The following NRXN3 variants were observed in gnomAD, a reference collection of about 807,000 sequenced individuals.
The protein encoded by NRXN3 is neurexin 3, also known as neurexin III.
A neutral mutation model predicts 137.6 loss-of-function variants in NRXN3; 32 were observed. That is an observed-to-expected ratio of 0.23 (90% CI 0.18 to 0.31). The LOEUF (loss-of-function observed/expected upper bound fraction) is 0.31, where lower values mean the gene tolerates loss of function less well. Among genes scored for constraint, NRXN3 ranks in the 10% least tolerant of loss-of-function variants. The pLI is 1.00. For missense variants in NRXN3, 1,574 were observed against 2,062.5 expected (o/e 0.76, Z 4.59); for synonymous variants, 798 against 784.5 (o/e 1.02, Z -0.29).
intron 6 of NRXN3, among the ~76,000 whole-genome samples, chr14:78,677,770 G>A (rs78020295): frequency 0.019 from 2,867 of 152,196 alleles, 75 homozygotes; most frequent in African/African-American, 0.066. Flanking sequence ...GGCAAACTTC[G>A]TTGTTGTTTT....
intron 10 of NRXN3, among the ~76,000 whole-genome samples, chr14:78,906,536 A>G (rs1350379715): frequency 6.6e-6 from 1 of 151,974 alleles, no homozygotes; most frequent in African/African-American, 2.4e-5. Flanking sequence ...TGTGGCACTT[A>G]TTTCACTCCC....
intron 16 of NRXN3, among the ~76,000 whole-genome samples, chr14:79,500,175 T>C (rs557620094): frequency 6.9e-6 from 1 of 144,554 alleles, no homozygotes; most frequent in Non-Finnish European, 1.5e-5. Flanking sequence ...GATGAATTTC[T>C]CATATGGGCA....
At position 78,957,281 on chromosome 14, in the gene NRXN3, A is replaced by G. The variant is rs79780393; in HGVS notation, c.2315A>G (p.Asn772Ser). 25 of 1,614,026 alleles carry G rather than the reference A, an allele frequency of 1.5e-5. No homozygotes were observed. Among genetic ancestry groups the G allele is most frequent in the Non-Finnish European group, 1.9e-5 (23 of 1,180,014 alleles). Residue 772 changes from asparagine (N) to serine (S), a missense_variant, in exon 11 of 21, where the codon AAT (asparagine) becomes AGT (serine). Asn to Ser is a conservative substitution (Grantham distance 46). Around this residue, in one of 5 missense-constraint regions of NRXN3, gnomAD observed 718 missense variants for 887.6 expected, o/e 0.81. Transcript: ENST00000335750. Reference sequence around the variant, plus strand: ...ACCTTGTATGCAGGGCAGAAGCTCAATGACAACGAGTGGCACACCGTTCGG... The same window carrying G: ...ACCTTGTATGCAGGGCAGAAGCTCAGTGACAACGAGTGGCACACCGTTCGG... ...PETLYAGQKLNDNEWHTVRVV... is the reference protein window; with the variant it reads ...PETLYAGQKLSDNEWHTVRVV...
chr14:79,398,122 C>A (rs1314561284), intron 15 of NRXN3, among the ~76,000 whole-genome samples: 1 of 152,186 alleles, frequency 6.6e-6, no homozygotes, highest in East Asian at 1.9e-4. Context: ...GCACTCTGAA[C>A]TGTATACTCT....
At chr14:78,989,339 C>T (rs1306370993) in intron 15 of NRXN3, among the ~76,000 whole-genome samples, 1 of 152,126 alleles carries the variant, frequency 6.6e-6, no homozygotes, top group African/African-American at 2.4e-5. Context: ...GTGCAGCTGT[C>T]TGTTGTTGTT....
At chr14:79,003,625 A>T (rs1427738982) in intron 15 of NRXN3, among the ~76,000 whole-genome samples, 1 of 152,094 alleles carries the variant, frequency 6.6e-6, no homozygotes, top group Admixed American at 6.6e-5. Flanking sequence ...GAAACCAGGG[A>T]ACTATGGGGT....
intron 15 of NRXN3, among the ~76,000 whole-genome samples, chr14:79,417,757 G>A (rs950723560): frequency 6.6e-5 from 10 of 152,024 alleles, no homozygotes; most frequent in South Asian, 4.1e-4. Context: ...TACCATCAGC[G>A]TATTTCTATG....
intron 19 of NRXN3, among the ~76,000 whole-genome samples, chr14:79,759,477 A>C (rs2099031062): frequency 6.6e-6 from 1 of 151,594 alleles, no homozygotes; most frequent in South Asian, 2.1e-4. Flanking sequence ...ACTTCTATAA[A>C]ATCTTTTATT....
At chr14:79,657,830 G>A (rs1231095701) in intron 16 of NRXN3, among the ~76,000 whole-genome samples, 4 of 152,112 alleles carry the variant, frequency 2.6e-5, no homozygotes, top group African/African-American at 9.7e-5. Context: ...AAGATTTATT[G>A]CACGAAATTT....
chr14:78,927,498 C>A (rs745386196), intron 10 of NRXN3, among the ~76,000 whole-genome samples: 1 of 152,146 alleles, frequency 6.6e-6, no homozygotes, highest in African/African-American at 2.4e-5. Context: ...ATGCTGACCT[C>A]GGCTGAAACA....
chr14:79,342,967 T>A (rs1010606534), intron 15 of NRXN3, among the ~76,000 whole-genome samples: 8 of 152,006 alleles, frequency 5.3e-5, no homozygotes, highest in Non-Finnish European at 1.2e-4. Context: ...GGGTAGGGGC[T>A]TGGGAAGTGG....
chr14:79,618,968 A>G lies in NRXN3; in HGVS notation c.3445-44810A>G, dbSNP rs570454396. Among the ~76,000 whole-genome samples, 3 of 152,096 alleles carry G rather than the reference A, an allele frequency of 2.0e-5. No individual in the cohort carries two copies. In the East Asian group the frequency reaches 5.8e-4, roughly 29 times the overall value. On this transcript the variant is annotated intron_variant, in intron 16 of 20. Transcript: ENST00000335750. ...ATTTCTCTAACTAGTGATATTGATC[A>G]CTTTTTCATGTAATTGTTGGCTGCA...
intron 15 of NRXN3, among the ~76,000 whole-genome samples, chr14:79,243,819 C>A (rs541488968): frequency 1.5e-4 from 23 of 152,108 alleles, no homozygotes; most frequent in African/African-American, 5.3e-4. Context: ...ATCATATATG[C>A]AGTTTATCAT....
chr14:79,560,504 C>CTTTTTTTTTTTTTTTTT lies in NRXN3; in HGVS notation c.3444+93110_3444+93126dup, dbSNP rs34025659. Among the ~76,000 whole-genome samples, 138 of 43,768 alleles carry CTTTTTTTTTTTTTTTTT rather than the reference C, an allele frequency of 3.2e-3. 31 individuals carry two copies. The highest frequency in any genetic ancestry group is 0.023 in the Middle Eastern group (1 of 44). 28.7% of individuals were successfully genotyped at this position (43,768 alleles called of 152,430 possible). On this transcript the variant is annotated intron_variant, in intron 16 of 20. Coordinates refer to ENST00000335750, the MANE Select transcript of NRXN3 (RefSeq NM_001330195.2). ...AATTCTACAAGGACAAGATTGTAAG[C>CTTTTTTTTTTTTTTTTT]TTTTTTTTTTTTTTTTTTTTTTTTG... is the stretch of plus-strand genomic sequence containing the variant.
At chr14:79,657,403 T>A (rs2098511568) in intron 16 of NRXN3, among the ~76,000 whole-genome samples, 1 of 152,188 alleles carries the variant, frequency 6.6e-6, no homozygotes, top group South Asian at 2.1e-4. Context: ...CATGAGGTGA[T>A]CATGGACTTT....
intron 15 of NRXN3, among the ~76,000 whole-genome samples, chr14:79,389,229 T>C (rs950420204): frequency 6.6e-6 from 1 of 152,200 alleles, no homozygotes; most frequent in Non-Finnish European, 1.5e-5. Context: ...GATTTATTTC[T>C]TATAGTTCTA....
intron 4 of NRXN3, among the ~76,000 whole-genome samples, chr14:78,345,700 T>C (rs565295148): frequency 2.8e-4 from 43 of 152,284 alleles, no homozygotes; most frequent in African/African-American, 1.0e-3. Flanking sequence ...AGGAACCCGT[T>C]TTGGGATGTT....
intron 10 of NRXN3, among the ~76,000 whole-genome samples, chr14:78,810,705 G>GCATGCACTTCTCCAC (rs2098907497): frequency 6.6e-6 from 1 of 152,220 alleles, no homozygotes; most frequent in Non-Finnish European, 1.5e-5. Context: ...AGGGCAACCA[G>GCATGCACTTCTCCAC]CATGCACTTC....
chr14:78,459,444 A>C (rs532259460), intron 4 of NRXN3, among the ~76,000 whole-genome samples: 225 of 152,262 alleles, frequency 1.5e-3, no homozygotes, highest in African/African-American at 5.3e-3. Context: ...GAATCTCATC[A>C]GCCTCTCGTC....
Sources: gnomAD v4.1 joint callset for allele counts (sites outside exome capture counted in the v4.1 genomes callset) on GRCh38, gnomAD v4.1.1 for gene constraint, gnomAD v4.1.1 regional missense constraint, MANE v1.5 for transcripts, NCBI Gene and HGNC (gene_info 2026-07-23, HGNC 2026-07-21) for gene names.